FRMPD3: variants seen among roughly 807,000 people sequenced by gnomAD.
FRMPD3 encodes FERM and PDZ domain containing 3.
FRMPD3 carries 42 observed loss-of-function variants against 97.9 expected under a neutral mutation model. The observed-to-expected ratio is 0.43, with a 90% CI of 0.34 to 0.55. The LOEUF is 0.55. Ranked by LOEUF, FRMPD3 falls within the 20% of genes least tolerant of loss-of-function variation. The pLI, the probability that FRMPD3 is intolerant of heterozygous loss-of-function variation, is 0.03. For synonymous variants in FRMPD3, 577 were observed against 581.1 expected (o/e 0.99, Z 0.10); for missense variants, 1,303 against 1,457.7 (o/e 0.89, Z 1.73).
chrX:107,485,694 C>T (rs1020842419), intron 1 of FRMPD3, among the ~76,000 whole-genome samples: 1 of 111,824 alleles, frequency 8.9e-6, no homozygotes, highest in South Asian at 3.8e-4. Context: ...GGAGCTGTGA[C>T]CACCTGGTCC....
chrX:107,564,470 G>GGTAA (rs1300346582), intron 11 of FRMPD3, among the ~76,000 whole-genome samples: 1 of 112,278 alleles, frequency 8.9e-6, no homozygotes, highest in Non-Finnish European at 1.9e-5. Flanking sequence ...GTAAAGACCA[G>GGTAA]ACACAGGATG....
chrX:107,457,611 A>G (rs1429703461), intron 1 of FRMPD3, among the ~76,000 whole-genome samples: 1 of 112,103 alleles, frequency 8.9e-6, no homozygotes, highest in African/African-American at 3.2e-5. Flanking sequence ...CTTCCACCCA[A>G]TATGGAGGCT....
chrX:107,527,971 A>G (rs889741424), intron 2 of FRMPD3, among the ~76,000 whole-genome samples: 2 of 111,409 alleles, frequency 1.8e-5, no homozygotes, highest in Non-Finnish European at 3.8e-5. Context: ...GGACCAGCTA[A>G]CATTCAGTAA....
At chrX:107,564,560 G>A (rs1292000779) in intron 11 of FRMPD3, among the ~76,000 whole-genome samples, 7 of 112,247 alleles carry the variant, frequency 6.2e-5, no homozygotes, top group African/African-American at 2.3e-4. Context: ...GGCTTGGAAG[G>A]GGAGGGTGCT....
At position 107,526,703 on chromosome X, in the gene FRMPD3, G is replaced by A; in HGVS notation, c.115G>A (p.Glu39Lys). ...IYGFGFVAGS[E>K]RPVVVRSVRP... ...TGGCTTTGGCTTCGTGGCTGGCAGT[G>A]AGAGGCCTGTGGTGGTTCGATCTGT... The change falls in exon 2 of 15, where the codon GAG becomes AAG. Residue 39 changes from glutamate (E) to lysine (K), a missense_variant. By Grantham distance (56) the Glu-to-Lys change is moderately conservative (BLOSUM62 1). This residue lies in a region of FRMPD3 where 535 missense variants were observed against 618.6 expected (regional missense o/e 0.86). Transcript: ENST00000683843. 5.8e-6 allele frequency: 7 copies of A among 1,206,264 alleles called. No homozygotes were observed. Among genetic ancestry groups the A allele is most frequent in the Non-Finnish European group, 7.8e-6 (7 of 893,297 alleles).
chrX:107,512,978 G>A (rs1286316932), intron 1 of FRMPD3: 1 of 112,514 alleles, frequency 8.9e-6, no homozygotes, highest in Non-Finnish European at 1.9e-5. Context: ...AGCATGTCTG[G>A]ACCTATTAGA....
At chrX:107,465,302 C>T (rs1192053704) in intron 1 of FRMPD3, among the ~76,000 whole-genome samples, 2 of 110,219 alleles carry the variant, frequency 1.8e-5, no homozygotes, top group African/African-American at 3.3e-5. Context: ...CAAAACCCCT[C>T]TCTACAAAAA....
chrX:107,468,112 T>C (rs1345999663), intron 1 of FRMPD3, among the ~76,000 whole-genome samples: 1 of 111,549 alleles, frequency 9.0e-6, no homozygotes, highest in African/African-American at 3.3e-5. Flanking sequence ...CCACCCCTAC[T>C]CTACTTCTCC....
intron 8 of FRMPD3, among the ~76,000 whole-genome samples, chrX:107,558,376 C>T (rs928770077): frequency 4.5e-5 from 5 of 111,173 alleles, no homozygotes; most frequent in African/African-American, 6.5e-5. Flanking sequence ...TCTGTAATTG[C>T]AGCACTTTGG....
At chrX:107,483,872 T>C (rs757877746) in intron 1 of FRMPD3, among the ~76,000 whole-genome samples, 5 of 111,361 alleles carry the variant, frequency 4.5e-5, no homozygotes, top group Non-Finnish European at 7.5e-5. Context: ...AGGCCTCCTG[T>C]TGGTGCTTTT....
At chrX:107,456,163 A>T (rs1412558590) in intron 1 of FRMPD3, among the ~76,000 whole-genome samples, 1 of 109,988 alleles carries the variant, frequency 9.1e-6, no homozygotes, top group African/African-American at 3.3e-5. Context: ...TCCTGGGCTC[A>T]AGTGATCCTC....
chrX:107,580,710 G>A (rs755237251), intron 13 of FRMPD3, among the ~76,000 whole-genome samples: 9 of 111,500 alleles, frequency 8.1e-5, no homozygotes, highest in Non-Finnish European at 5.7e-5. Flanking sequence ...TCATACTCCT[G>A]GCTGATTGCT....
intron 12 of FRMPD3, among the ~76,000 whole-genome samples, chrX:107,572,564 A>G (rs1165285185): frequency 9.0e-6 from 1 of 110,742 alleles, no homozygotes; most frequent in African/African-American, 3.3e-5. Flanking sequence ...ATGGTGAAAC[A>G]CCATCTCTAC....
intron 13 of FRMPD3, among the ~76,000 whole-genome samples, chrX:107,581,031 A>T (rs1303287222): frequency 9.0e-6 from 1 of 111,642 alleles, no homozygotes; most frequent in African/African-American, 3.3e-5. Flanking sequence ...TACCTACCTC[A>T]TGAGGAATTT....
chrX:107,537,065 C>T (rs1013171332), intron 4 of FRMPD3, among the ~76,000 whole-genome samples: 1 of 111,656 alleles, frequency 9.0e-6, no homozygotes, highest in Admixed American at 9.6e-5. Flanking sequence ...TTTCTTACCC[C>T]CTGTTCTGCT....
intron 13 of FRMPD3, among the ~76,000 whole-genome samples, chrX:107,588,247 A>ATCT (rs1184978327): frequency 2.8e-4 from 29 of 104,252 alleles, no homozygotes; most frequent in Non-Finnish European, 5.3e-4. Context: ...CTTGTGGTTG[A>ATCT]TCTTCTTCTT....
chrX:107,476,817 C>A (rs959692485), intron 1 of FRMPD3, among the ~76,000 whole-genome samples: 1 of 112,533 alleles, frequency 8.9e-6, no homozygotes. Flanking sequence ...GAAGCTACAG[C>A]TGGACATTCC....
intron 1 of FRMPD3, among the ~76,000 whole-genome samples, chrX:107,484,614 G>A (rs1226551810): frequency 8.9e-6 from 1 of 112,114 alleles, no homozygotes; most frequent in Non-Finnish European, 1.9e-5. Context: ...TAGGGGGAGG[G>A]GAGCCTGGTG....
intron 4 of FRMPD3, among the ~76,000 whole-genome samples, chrX:107,540,285 A>G (rs143809816): frequency 8.9e-6 from 1 of 112,117 alleles, no homozygotes; most frequent in African/African-American, 3.2e-5. Flanking sequence ...GGAATTGGTT[A>G]TAAGTAGGCT....
Sources: allele counts gnomAD v4.1 joint callset (sites outside exome capture counted in the v4.1 genomes callset), GRCh38; gene constraint gnomAD v4.1.1; regional missense constraint gnomAD v4.1.1; transcripts MANE v1.5; gene names NCBI Gene and HGNC (gene_info 2026-07-23, HGNC 2026-07-21).